RUNDC3B: variants seen among roughly 807,000 people sequenced by gnomAD.
RUNDC3B encodes the protein RUN domain containing 3B.
A neutral mutation model predicts 58.4 loss-of-function variants in RUNDC3B; 33 were observed. The observed-to-expected ratio is 0.56, with a 90% CI of 0.43 to 0.75. RUNDC3B has a LOEUF of 0.75. RUNDC3B is among the 30% of genes least tolerant of loss of function. RUNDC3B has a pLI of 0.00. For missense variants in RUNDC3B, 501 were observed against 535.7 expected (o/e 0.94, Z 0.64); for synonymous variants, 193 against 195.2 (o/e 0.99, Z 0.10).
chr7:87,751,214 G>A (rs540508153), intron 6 of RUNDC3B, among the ~76,000 whole-genome samples: 1 of 151,928 alleles, frequency 6.6e-6, no homozygotes, highest in Non-Finnish European at 1.5e-5. Flanking sequence ...ATTTCTGAGG[G>A]CTCTGTTCTG....
At chr7:87,721,773 TTC>T (rs374594143) in intron 4 of RUNDC3B, among the ~76,000 whole-genome samples, 155 of 147,780 alleles carry the variant, frequency 1.0e-3, no homozygotes, top group Non-Finnish European at 1.0e-3. Flanking sequence ...AACATTCTCT[TTC>T]TCTCTCTCTC....
At chr7:87,725,603 C>T (rs1293388962) in intron 4 of RUNDC3B, among the ~76,000 whole-genome samples, 2 of 152,140 alleles carry the variant, frequency 1.3e-5, no homozygotes, top group Non-Finnish European at 2.9e-5. Context: ...TGGGTATATA[C>T]CCAGTAATGG....
At chr7:87,819,820 A>G (rs1383942441) in intron 10 of RUNDC3B, among the ~76,000 whole-genome samples, 2 of 152,350 alleles carry the variant, frequency 1.3e-5, no homozygotes, top group Non-Finnish European at 1.5e-5. Flanking sequence ...GCAGAAATAA[A>G]GATGTTCTTT....
At chr7:87,795,099 T>C (rs549080119) in intron 8 of RUNDC3B, among the ~76,000 whole-genome samples, 206 of 152,246 alleles carry the variant, frequency 1.4e-3, no homozygotes, top group Non-Finnish European at 2.6e-3. Context: ...CCCACAAGCA[T>C]AGGCAACCAA....
chr7:87,787,189 G>C (rs1458541113), intron 8 of RUNDC3B, among the ~76,000 whole-genome samples: 1 of 152,082 alleles, frequency 6.6e-6, no homozygotes, highest in African/African-American at 2.4e-5. Context: ...AAGAAATGCA[G>C]AACAGTGTGG....
chr7:87,711,740 C>T (rs1003446083), intron 4 of RUNDC3B, among the ~76,000 whole-genome samples: 27 of 152,234 alleles, frequency 1.8e-4, no homozygotes, highest in African/African-American at 6.5e-4. Context: ...TTTCAGATGT[C>T]CCATTGCCAC....
At chr7:87,745,512 GTA>G (rs139982732) in intron 6 of RUNDC3B, among the ~76,000 whole-genome samples, 3,738 of 152,098 alleles carry the variant, frequency 0.025, 140 homozygotes, top group African/African-American at 0.084. Flanking sequence ...TCTGTTCAGC[GTA>G]TCTAATTCTT....
At chr7:87,650,646 C>T (rs545925728) in intron 1 of RUNDC3B, among the ~76,000 whole-genome samples, 176 bp from the exon 2 acceptor site, 1 of 152,172 alleles carries the variant, frequency 6.6e-6, no homozygotes, top group African/African-American at 2.4e-5. Context: ...TAAAAAGACT[C>T]CTTTCTGTAA....
intron 9 of RUNDC3B, among the ~76,000 whole-genome samples, chr7:87,815,693 AATCTGTAATAATGTCAAGGCC>A (rs546048264): frequency 6.6e-5 from 10 of 152,232 alleles, no homozygotes; most frequent in Non-Finnish European, 1.2e-4. Flanking sequence ...GTTGCTATAT[AATCTGTAATAATGTCAAGGCC>A]ATCTGTAATA....
rs147492609 is a variant in RUNDC3B, at chr7:87,746,335, T to C, written c.629+4756T>C. Among the ~76,000 whole-genome samples, 1,518 of 152,286 alleles carry C rather than the reference T, an allele frequency of 1.0e-2. 10 individuals are homozygous for C. The highest frequency in any genetic ancestry group is 0.013 in the Non-Finnish European group (858 of 68,016). On this transcript the variant is annotated intron_variant, in intron 6 of 10. Transcript: ENST00000394654. ...TAAGCCCATTTGCTCCAAGGTATAG[T>C]TTAAATCCATTGTTTCTTTGTTGAC...
intron 6 of RUNDC3B, among the ~76,000 whole-genome samples, chr7:87,762,171 G>A (rs1430330593): frequency 1.3e-5 from 2 of 151,520 alleles, no homozygotes; most frequent in South Asian, 2.1e-4. Context: ...TTTTTAAATC[G>A]TTAATGAGTC....
intron 7 of RUNDC3B, among the ~76,000 whole-genome samples, chr7:87,774,073 A>C (rs1185838760): frequency 6.6e-6 from 1 of 152,188 alleles, no homozygotes; most frequent in Admixed American, 6.5e-5. Flanking sequence ...TTTTATACTA[A>C]TGTAAGGTCA....
intron 2 of RUNDC3B, among the ~76,000 whole-genome samples, chr7:87,655,162 T>C (rs1308481421): frequency 6.6e-6 from 1 of 152,072 alleles, no homozygotes; most frequent in Non-Finnish European, 1.5e-5. Context: ...TAGTCTTCTA[T>C]GTGATTAAAT....
chr7:87,783,029 G>T (rs1835017043), intron 8 of RUNDC3B, among the ~76,000 whole-genome samples: 2 of 152,160 alleles, frequency 1.3e-5, no homozygotes, highest in African/African-American at 4.8e-5. Context: ...CTGCATTAAT[G>T]ATCCATCTAA....
chr7:87,726,115 T>G (rs1021753555), intron 4 of RUNDC3B, among the ~76,000 whole-genome samples: 19 of 152,218 alleles, frequency 1.2e-4, no homozygotes, highest in African/African-American at 4.6e-4. Flanking sequence ...ATTTGTCAAT[T>G]TTGGCTTTTG....
At chr7:87,649,617 T>C (rs1823370786) in intron 1 of RUNDC3B, among the ~76,000 whole-genome samples, 1 of 152,206 alleles carries the variant, frequency 6.6e-6, no homozygotes, top group South Asian at 2.1e-4. Context: ...AAGGACATTC[T>C]GATAAGGAAA....
At chr7:87,676,924 A>G (rs1050462051) in intron 2 of RUNDC3B, among the ~76,000 whole-genome samples, 1 of 152,136 alleles carries the variant, frequency 6.6e-6, no homozygotes, top group Non-Finnish European at 1.5e-5. Flanking sequence ...ACAAAATTTA[A>G]TAATGCCTTA....
intron 2 of RUNDC3B, among the ~76,000 whole-genome samples, chr7:87,696,495 C>T (rs1028611707): frequency 2.6e-5 from 4 of 152,118 alleles, no homozygotes; most frequent in Admixed American, 1.3e-4. Context: ...TTAAACCTTT[C>T]TGTAGATGCA....
chr7:87,732,688 A>G (rs1831659590), intron 4 of RUNDC3B, among the ~76,000 whole-genome samples: 1 of 152,204 alleles, frequency 6.6e-6, no homozygotes, highest in Non-Finnish European at 1.5e-5. Context: ...TGCACTAGAT[A>G]TACCAGCATT....
Sources: allele counts gnomAD v4.1 joint callset (sites outside exome capture counted in the v4.1 genomes callset), GRCh38; gene constraint gnomAD v4.1.1; transcripts MANE v1.5; gene names NCBI Gene and HGNC (gene_info 2026-07-23, HGNC 2026-07-21).